UIMC1: variants seen among roughly 807,000 people sequenced by gnomAD.
UIMC1 encodes the protein BRCA1-A complex subunit RAP80.
Under a neutral mutation model 84.9 loss-of-function variants are expected in UIMC1, and 42 were observed. The ratio of observed to expected loss-of-function variants is 0.49; its 90% CI spans 0.39 to 0.64. The LOEUF is 0.64. UIMC1 is among the 30% of genes least tolerant of loss of function. The pLI, the probability that UIMC1 is intolerant of heterozygous loss-of-function variation, is 0.00. For synonymous variants in UIMC1, 281 were observed against 293.0 expected (o/e 0.96, Z 0.42); for missense variants, 825 against 847.6 (o/e 0.97, Z 0.33).
At position 176,968,617 on chromosome 5, in the gene UIMC1, A is replaced by G. The variant is rs150697112; in HGVS notation, c.1138T>C (p.Ser380Pro). The G allele has an allele frequency of 1.6e-3, 2,640 of 1,613,604 alleles. 7 individuals are homozygous for G. The highest frequency in any genetic ancestry group is 1.9e-3 in the Non-Finnish European group (2,225 of 1,179,880). ...HSKTKDFQES[S>P]IKSLKEKLLL... ...AGTTTCTCTTTCAAGCTTTTAATTG[A>G]GCTTTCCTGGAAATCCTTGGTTTTT... The change falls in exon 6 of 15, where the codon TCA (serine) becomes CCA (proline). Residue 380 changes from serine (S) to proline (P), a missense_variant. Transcript: ENST00000511320.
chr5:176,920,746 C>T (rs1032188154), intron 10 of UIMC1, among the ~76,000 whole-genome samples: 51 of 152,144 alleles, frequency 3.4e-4, no homozygotes, highest in African/African-American at 1.2e-3. Context: ...TTTACTTCTT[C>T]GTTTCCAACC....
At chr5:176,927,876 A>C (rs1021982033) in intron 10 of UIMC1, among the ~76,000 whole-genome samples, 8 of 145,834 alleles carry the variant, frequency 5.5e-5, no homozygotes, top group Non-Finnish European at 1.2e-4. Flanking sequence ...TTTGAGACAG[A>C]GTTTCACTCT....
chr5:176,913,379 G>C (rs544147783), intron 10 of UIMC1, among the ~76,000 whole-genome samples: 5 of 152,308 alleles, frequency 3.3e-5, no homozygotes, highest in African/African-American at 1.2e-4. Flanking sequence ...GTAAAACCCA[G>C]GATAGAATCT....
At position 176,975,400 on chromosome 5, in the gene UIMC1, G is replaced by A. The variant is rs1700490; in HGVS notation, c.228C>T (p.Ile76=). Residue 76 remains isoleucine (I), a synonymous_variant, in exon 3 of 15, where the codon ATC becomes ATT. Transcript: ENST00000511320. ...NRAKCLAKRK[I]AQMTEEEQFA... The stretch of plus-strand genomic sequence containing the variant: ...ATCAACAAAATGAAAACATACGTGC[G>A]ATTTTTCTTTTGGCCAAACACTTTG... The A allele has an allele frequency of 0.5, 807,628 of 1,612,330 alleles. 206,524 individuals are homozygous for A. Among genetic ancestry groups the A allele is most frequent in the African/African-American group, 0.78 (58,798 of 74,946 alleles).
intron 10 of UIMC1, among the ~76,000 whole-genome samples, chr5:176,913,012 G>A (rs1452456582): frequency 1.3e-5 from 2 of 152,150 alleles, no homozygotes; most frequent in Non-Finnish European, 2.9e-5. Context: ...CTTCCCCCTA[G>A]GGAAATCCAT....
chr5:176,971,425 G>A (rs1232524328), intron 3 of UIMC1, among the ~76,000 whole-genome samples: 1 of 152,132 alleles, frequency 6.6e-6, no homozygotes, highest in East Asian at 1.9e-4. Flanking sequence ...AACAAGATGA[G>A]CTAGAATATT....
intron 10 of UIMC1, among the ~76,000 whole-genome samples, chr5:176,921,163 C>T (rs1382962545): frequency 6.6e-6 from 1 of 152,204 alleles, no homozygotes; most frequent in Non-Finnish European, 1.5e-5. Flanking sequence ...TCTTCCACCA[C>T]CAAAAGTATT....
At chr5:176,979,980 G>A (rs1365284948) in intron 2 of UIMC1, 4 of 152,136 alleles carry the variant, frequency 2.6e-5, no homozygotes, top group East Asian at 1.9e-4. Context: ...CTGGCTGGGG[G>A]GCTAAATAGA....
Position 176,951,559 on chromosome 5 carries a change from G to C in UIMC1, c.1358C>G (p.Ser453Cys), listed in dbSNP as rs200518986. The part of the protein sequence containing the change: ...TVCPETQLSS[S>C]ETFDLEREVS... The stretch of plus-strand genomic sequence containing the variant: ...TTCTCTTTCAAGGTCAAAAGTTTCA[G>C]AGGAACTTAGCTGGGTCTCTGTAAT... Residue 453 changes from serine (S) to cysteine (C), a missense_variant, in exon 9 of 15, where the codon TCT becomes TGT. Transcript: ENST00000511320. 2 of 1,590,538 alleles carry C rather than the reference G, an allele frequency of 1.3e-6. No homozygotes were observed. Among genetic ancestry groups the C allele is most frequent in the Non-Finnish European group, 8.5e-7 (1 of 1,170,386 alleles).
At chr5:176,971,362 G>A (rs1218102983) in intron 3 of UIMC1, among the ~76,000 whole-genome samples, 2 of 152,130 alleles carry the variant, frequency 1.3e-5, no homozygotes, top group African/African-American at 4.8e-5. Context: ...CATTTAAAAG[G>A]AACCGGGGTA....
At chr5:176,981,390 C>T (rs936344350) in intron 2 of UIMC1, among the ~76,000 whole-genome samples, 2 of 152,072 alleles carry the variant, frequency 1.3e-5, no homozygotes, top group Non-Finnish European at 2.9e-5. Flanking sequence ...GTGATCCACT[C>T]GCCTCGGCCT....
At chr5:176,995,193 A>C (rs1773425585) in intron 1 of UIMC1, among the ~76,000 whole-genome samples, 1 of 152,178 alleles carries the variant, frequency 6.6e-6, no homozygotes, top group African/African-American at 2.4e-5. Context: ...ATGTATGTTC[A>C]TAGCAGCTCT....
At chr5:177,010,127 G>A (rs1775513779), upstream of UIMC1, among the ~76,000 whole-genome samples, 1 of 152,136 alleles carries the variant, frequency 6.6e-6, no homozygotes, top group South Asian at 2.1e-4. Flanking sequence ...GAGGCAGAAG[G>A]ATCTGTTGAG....
At chr5:176,913,522 TAA>T (rs1326219591) in intron 10 of UIMC1, among the ~76,000 whole-genome samples, 4 of 152,162 alleles carry the variant, frequency 2.6e-5, no homozygotes, top group African/African-American at 9.7e-5. Flanking sequence ...ATCCAACTAG[TAA>T]AAAGAACAGA....
chr5:176,969,101 G>T lies in UIMC1; in HGVS notation c.654C>A (p.Asp218Glu). 2.5e-6 allele frequency: 4 copies of T among 1,614,176 alleles called. No individual in the cohort carries two copies. The highest frequency in any genetic ancestry group is 3.4e-6 in the Non-Finnish European group (4 of 1,180,034). The change falls in exon 6 of 15, where the codon GAC becomes GAA. Residue 218 changes from aspartate (D) to glutamate (E), a missense_variant. By Grantham distance (45) the Asp-to-Glu change is conservative (BLOSUM62 2). Transcript: ENST00000511320. ...VFENVNVKSFDRCTGHSAEHT... is the reference protein window; with the variant it reads ...VFENVNVKSFERCTGHSAEHT... The stretch of plus-strand genomic sequence containing the variant: ...GCTCAGCCGAGTGGCCAGTACATCT[G>T]TCAAAAGATTTAACGTTCACATTCT...
chr5:176,958,368 T>G (rs1766882345), intron 6 of UIMC1, among the ~76,000 whole-genome samples: 1 of 152,200 alleles, frequency 6.6e-6, no homozygotes. Context: ...CTTACTAAAT[T>G]TGTGATTGGG....
intron 10 of UIMC1, among the ~76,000 whole-genome samples, chr5:176,911,597 C>T (rs1019597224): frequency 6.6e-6 from 1 of 152,084 alleles, no homozygotes; most frequent in Admixed American, 6.6e-5. Flanking sequence ...ATATTCTGTC[C>T]GCCACAAGAT....
chr5:176,978,205 A>T (rs1770448568), intron 2 of UIMC1, among the ~76,000 whole-genome samples: 2 of 151,766 alleles, frequency 1.3e-5, no homozygotes, highest in Non-Finnish European at 2.9e-5. Flanking sequence ...CCCCGTCTCT[A>T]CTAAAAATAC....
At chr5:177,014,768 C>G (rs1775637966) in intron 1 of UIMC1, among the ~76,000 whole-genome samples, 1 of 151,994 alleles carries the variant, frequency 6.6e-6, no homozygotes, top group Non-Finnish European at 1.5e-5. Context: ...GAAAGGATTC[C>G]CCAGTTGGAG....
Sources: gnomAD v4.1 joint callset for allele counts (sites outside exome capture counted in the v4.1 genomes callset) on GRCh38, gnomAD v4.1.1 for gene constraint, MANE v1.5 for transcripts, NCBI Gene and HGNC (gene_info 2026-07-23, HGNC 2026-07-21) for gene names.